The following LRP8 variants were observed in gnomAD, a reference collection of about 807,000 sequenced individuals.
LRP8 encodes low-density lipoprotein receptor-related protein 8.
Under a neutral mutation model 111.6 loss-of-function variants are expected in LRP8, and 46 were observed. The ratio of observed to expected loss-of-function variants is 0.41; its 90% CI spans 0.33 to 0.53. The LOEUF is 0.53. LRP8 is among the 20% of genes least tolerant of loss of function. LRP8 has a pLI of 0.20. For synonymous variants in LRP8, 464 were observed against 511.2 expected, an observed-to-expected ratio of 0.91 and a Z score of 1.24; for missense variants, 959 against 1,297.4, an observed-to-expected ratio of 0.74 and a Z score of 4.01.
At position 53,262,611 on chromosome 1, in the gene LRP8, C is replaced by T. The variant is rs767203305; in HGVS notation, c.1656-47G>A. The T allele has an allele frequency of 3.5e-5, 53 of 1,499,052 alleles. No individual in the cohort carries two copies. The highest frequency in any genetic ancestry group is 6.8e-5 in the South Asian group (6 of 88,732). 92.9% of individuals were successfully genotyped at this position (1,499,052 alleles called of 1,614,324 possible). On this transcript the variant is annotated intron_variant, in intron 10 of 18. Coordinates refer to ENST00000306052, the MANE Select transcript of LRP8 (RefSeq NM_004631.5). This position sits in a 1 kb window ranked among gnomAD's most constrained non-coding sequence, Gnocchi z 4.8. ...TTTGCCTTCTTGCTGGGGACATGAC[C>T]GGGGTGGTCTGAGTCACAAGAGCTC...
At chr1:53,324,305 G>A (rs1654871425) in intron 2 of LRP8, among the ~76,000 whole-genome samples, 1 of 152,204 alleles carries the variant, frequency 6.6e-6, no homozygotes, top group Admixed American at 6.5e-5. Flanking sequence ...GAAGGGCTGA[G>A]GAAAGAACAT....
Position 53,276,901 on chromosome 1 carries a change from C to A in LRP8, c.674G>T (p.Arg225Leu). ...GTCAAACTGGCGGTCGCAGACCCAG[C>A]GCTCCGGGATGCAGGCGCCGCCGCC... is the stretch of plus-strand genomic sequence containing the variant. ...GDGGGACIPE[R>L]WVCDRQFDCE... The change falls in exon 5 of 19, where the codon CGC becomes CTC. Residue 225 changes from arginine (R) to leucine (L), a missense_variant. Transcript: ENST00000306052. 1 of 1,428,216 alleles carries A rather than the reference C, an allele frequency of 7.0e-7. No individual in the cohort carries two copies. The highest frequency in any genetic ancestry group is 9.1e-7 in the Non-Finnish European group (1 of 1,093,102). The allele number at this position is 1,428,216 out of a possible 1,614,324, so 88.5% of individuals were successfully genotyped here.
intron 2 of LRP8, among the ~76,000 whole-genome samples, chr1:53,323,549 C>T (rs1260819294): frequency 1.3e-5 from 2 of 152,264 alleles, no homozygotes; most frequent in Non-Finnish European, 2.9e-5. Flanking sequence ...CACCCGACTT[C>T]CCCTGGCTGG....
intron 6 of LRP8, chr1:53,274,638 G>A: frequency 4.4e-6 from 2 of 454,778 alleles, no homozygotes; most frequent in South Asian, 3.1e-5. Context: ...CTTGAGCCTA[G>A]ATACCAGGAG....
At chr1:53,287,574 C>G (rs1378844477) in intron 3 of LRP8, among the ~76,000 whole-genome samples, 1 of 152,230 alleles carries the variant, frequency 6.6e-6, no homozygotes, top group Non-Finnish European at 1.5e-5. Flanking sequence ...GCCTTGGCTA[C>G]TGCTCCCATA....
intron 2 of LRP8, among the ~76,000 whole-genome samples, chr1:53,323,331 T>C (rs956709217): frequency 6.6e-6 from 1 of 152,216 alleles, no homozygotes; most frequent in African/African-American, 2.4e-5. Flanking sequence ...CGAGGGGCGA[T>C]GTGTGGACAA....
chr1:53,247,273 T>G, intron 18 of LRP8, among the ~76,000 whole-genome samples: 1 of 152,256 alleles, frequency 6.6e-6, no homozygotes, highest in East Asian at 1.9e-4. Flanking sequence ...AGCAAGTGGC[T>G]GAACTAAAAT....
rs1477465598 is a variant in LRP8, at chr1:53,249,357, G to A, written c.2853+23C>T. 1 of 1,611,144 alleles carries A rather than the reference G, an allele frequency of 6.2e-7. No individual in the cohort carries two copies. Among genetic ancestry groups the A allele is most frequent in the Non-Finnish European group, 8.5e-7 (1 of 1,178,318 alleles). ...CATGCCCTCACTCACCAGCCCCTCA[G>A]ACTTAGAGTGGCACTGCCCTACCTT... On this transcript the variant is annotated intron_variant, in intron 18 of 18. Transcript: ENST00000306052. This position sits in a 1 kb window ranked among gnomAD's most constrained non-coding sequence, Gnocchi z 4.1.
intron 2 of LRP8, chr1:53,305,292 G>A (rs1189502077): frequency 6.6e-6 from 1 of 152,196 alleles, no homozygotes; most frequent in African/African-American, 2.4e-5. Context: ...TGACTCGGAG[G>A]GCAGTTGGTT....
chr1:53,314,116 G>A (rs1243296636), intron 2 of LRP8, among the ~76,000 whole-genome samples: 5 of 152,198 alleles, frequency 3.3e-5, no homozygotes, highest in South Asian at 2.1e-4. Context: ...GGCAATGCCT[G>A]CACTCCGGCC....
intron 4 of LRP8, among the ~76,000 whole-genome samples, chr1:53,277,812 C>T (rs1646976772): frequency 6.6e-6 from 1 of 152,216 alleles, no homozygotes; most frequent in Non-Finnish European, 1.5e-5. Context: ...GTCGCGCAGG[C>T]GTCTGAGTTT....
intron 2 of LRP8, among the ~76,000 whole-genome samples, chr1:53,311,186 C>T (rs1030289893): frequency 1.3e-5 from 2 of 152,092 alleles, no homozygotes; most frequent in Non-Finnish European, 2.9e-5. Flanking sequence ...TCCCCAGGCC[C>T]CTGCCCACCC....
At position 53,276,562 on chromosome 1, in the gene LRP8, TCTC is replaced by T. The variant is rs1306006634; in HGVS notation, c.883+127_883+129del. The T allele has an allele frequency of 7.5e-6, 5 of 663,224 alleles. No individual in the cohort carries two copies. The East Asian group carries it at 1.5e-4, about 20-fold the overall frequency. 41.1% of individuals were successfully genotyped at this position (663,224 alleles called of 1,614,324 possible). ...GTCACCTCACTTCTCCCAGCCTCGG[TCTC>T]CTCTGTAGTAAACCCGGGTAATGTA... On this transcript the variant is annotated intron_variant, in intron 5 of 18. Transcript: ENST00000306052.
intron 2 of LRP8, among the ~76,000 whole-genome samples, chr1:53,297,422 G>A (rs1213393659): frequency 2.6e-5 from 4 of 152,330 alleles, no homozygotes; most frequent in Middle Eastern, 3.4e-3. Flanking sequence ...TGTCCTGACA[G>A]TAGGGTGCAG....
chr1:53,301,899 A>C (rs1650974354), intron 2 of LRP8, among the ~76,000 whole-genome samples: 1 of 152,178 alleles, frequency 6.6e-6, no homozygotes, highest in Non-Finnish European at 1.5e-5. Context: ...CAGGTGTAAC[A>C]GCCACAACCC....
intron 2 of LRP8, among the ~76,000 whole-genome samples, chr1:53,312,740 G>A (rs537989090): frequency 6.6e-6 from 1 of 152,152 alleles, no homozygotes; most frequent in African/African-American, 2.4e-5. Context: ...GGGGACCTGA[G>A]AGAGCAGTGG....
At chr1:53,253,349 CAT>C (rs1230727388) in intron 16 of LRP8, among the ~76,000 whole-genome samples, 2 of 151,940 alleles carry the variant, frequency 1.3e-5, no homozygotes, top group African/African-American at 4.8e-5. Flanking sequence ...ATATTTGTAA[CAT>C]ATATTTTAAA....
Position 53,245,628 on chromosome 1 carries a change from G to T in LRP8, c.*1390C>A, listed in dbSNP as rs970407279. The stretch of plus-strand genomic sequence containing the variant: ...AATATCCAATATAATATAATATTGC[G>T]TATGCCATTTCCCCCCTCAAATATG... On this transcript the variant is annotated 3_prime_UTR_variant, in exon 19 of 19. Transcript: ENST00000306052. 2 of 152,380 alleles carry T rather than the reference G, an allele frequency of 1.3e-5. No individual in the cohort carries two copies. Among genetic ancestry groups the T allele is most frequent in the African/African-American group, 4.8e-5 (2 of 41,390 alleles). 9.4% of individuals were successfully genotyped at this position (152,380 alleles called of 1,614,324 possible).
At chr1:53,270,211 C>A (rs1187210678) in intron 8 of LRP8, among the ~76,000 whole-genome samples, 1 of 152,046 alleles carries the variant, frequency 6.6e-6, no homozygotes, top group Non-Finnish European at 1.5e-5. Flanking sequence ...AAAGGGAAGT[C>A]TAGAAAATCT....
Sources: allele counts gnomAD v4.1 joint callset (sites outside exome capture counted in the v4.1 genomes callset), GRCh38; gene constraint gnomAD v4.1.1; non-coding constraint Gnocchi (gnomAD v3.1); transcripts MANE v1.5; gene names NCBI Gene and HGNC (gene_info 2026-07-23, HGNC 2026-07-21).